COPG2: variants seen among roughly 807,000 people sequenced by gnomAD.
COPG2 encodes coatomer subunit gamma-2.
COPG2 carries 37 observed loss-of-function variants against 46.3 expected under a neutral mutation model. The observed-to-expected ratio is 0.80, with a 90% CI of 0.61 to 1.05. COPG2 has a LOEUF of 1.05. Ranked by LOEUF, COPG2 falls within the 50% of genes least tolerant of loss-of-function variation. The probability of loss-of-function intolerance (pLI) is 0.00; values close to 1 mark genes in which losing one functional copy is unlikely to be tolerated. For synonymous variants in COPG2, 159 were observed against 129.7 expected (o/e 1.23, Z -1.53); for missense variants, 427 against 387.8 (o/e 1.10, Z -0.85).
chr7:130,581,824 AC>A (rs1436883581), intron 9 of COPG2, among the ~76,000 whole-genome samples: 10 of 140,404 alleles, frequency 7.1e-5, no homozygotes, highest in Non-Finnish European at 1.4e-4. Context: ...AGAACTACAA[AC>A]CACTGCTCAA....
chr7:130,548,533 G>C lies in COPG2; in HGVS notation c.1847C>G (p.Ala616Gly). 2.5e-6 allele frequency: 1 copy of C among 398,590 alleles called. No individual in the cohort carries two copies. Among genetic ancestry groups the C allele is most frequent in the East Asian group, 3.6e-5 (1 of 28,080 alleles). 24.7% of individuals were successfully genotyped at this position (398,590 alleles called of 1,614,324 possible). Reference sequence around the variant, plus strand: ...TATATTCAGAAACTCAGGAATGGCAGCCAATTGTTCTATCAAGAAAAAAGA... The same window carrying C: ...TATATTCAGAAACTCAGGAATGGCACCCAATTGTTCTATCAAGAAAAAAGA... ...SRQDIFQEQL[A>G]AIPEFLNIGP... The change falls in exon 19 of 24, where the codon GCT becomes GGT. Residue 616 changes from alanine to glycine, a missense_variant. By Grantham distance (60) the Ala-to-Gly change is moderately conservative. Transcript: ENST00000425248.
rs1434312848 is a variant in COPG2, at chr7:130,653,194, C to A, written c.244-246G>T. Among the ~76,000 whole-genome samples the A allele has an allele frequency of 2.0e-5, 3 of 152,130 alleles. No homozygotes were observed. The East Asian group carries it at 5.8e-4, about 29-fold the overall frequency. ...AAATTCAATTATATGGATCTTTCTA[C>A]TGAGAGATACAAACTTAGACTATGA... is the stretch of plus-strand genomic sequence containing the variant. On this transcript the variant is annotated intron_variant, in intron 4 of 23. Coordinates refer to ENST00000425248, the MANE Select transcript of COPG2 (RefSeq NM_012133.6).
chr7:130,617,097 C>G, intron 5 of COPG2, 32 bp from the exon 6 acceptor site: 1 of 1,420,080 alleles, frequency 7.0e-7, no homozygotes, highest in South Asian at 1.2e-5. Context: ...AACATAAGAT[C>G]AATTAAAATC....
chr7:130,609,515 T>G (rs556341290), intron 9 of COPG2, among the ~76,000 whole-genome samples: 2 of 152,238 alleles, frequency 1.3e-5, no homozygotes, highest in Admixed American at 1.3e-4. Context: ...CTTTTGTAAA[T>G]TGCCCAGTCT....
In COPG2 at chr7:130,508,625, T is replaced by C. The variant is rs1799543059; in HGVS notation, c.2184A>G (p.Thr728=). ...AGSFSCTMKF[T]VRDCDPNTGV... is the part of the protein sequence containing the mutation. ...CAGTGTTAGGGTCACAGTCCCGGACTGTAAACTTCATGGTGCAGCTAAAGG... is the reference window on the plus strand; with the variant it reads ...CAGTGTTAGGGTCACAGTCCCGGACCGTAAACTTCATGGTGCAGCTAAAGG... The change falls in exon 21 of 24, where the codon ACA becomes ACG. Residue 728 remains threonine (T), a synonymous_variant. Coordinates refer to ENST00000425248, the MANE Select transcript of COPG2 (RefSeq NM_012133.6). 7.7e-6 allele frequency: 6 copies of C among 774,276 alleles called. No individual in the cohort carries two copies. In the East Asian group the frequency reaches 1.5e-4, roughly 19 times the overall value. The allele number at this position is 774,276 out of a possible 1,614,324, so 48.0% of individuals were successfully genotyped here.
chr7:130,535,245 T>C (rs1799867251), intron 20 of COPG2, among the ~76,000 whole-genome samples: 2 of 151,724 alleles, frequency 1.3e-5, no homozygotes, highest in African/African-American at 4.8e-5. Flanking sequence ...AGAAGAAATG[T>C]GGATGCAAGG....
In COPG2 at chr7:130,629,662, C is replaced by T. The variant is rs564677648; in HGVS notation, c.324-12597G>A. 6.6e-5 allele frequency among the ~76,000 whole-genome samples: 10 copies of T among 152,218 alleles called. No individual in the cohort carries two copies. In the South Asian group the frequency reaches 2.1e-3, roughly 32 times the overall value. On this transcript the variant is annotated intron_variant, in intron 5 of 23. Transcript: ENST00000425248. The stretch of plus-strand genomic sequence containing the variant: ...CCACCCACCTCGGCCTCCCAAAGTG[C>T]TGGGATTACAAGTTTGCGCCACCAC...
At chr7:130,622,726 A>C (rs1554453769) in intron 5 of COPG2, among the ~76,000 whole-genome samples, 1 of 152,054 alleles carries the variant, frequency 6.6e-6, no homozygotes, top group Non-Finnish European at 1.5e-5. Context: ...CCAGCACTTT[A>C]CCTGGTTTTG....
At chr7:130,622,625 A>T (rs1422483401) in intron 5 of COPG2, among the ~76,000 whole-genome samples, 1 of 152,212 alleles carries the variant, frequency 6.6e-6, no homozygotes, top group Non-Finnish European at 1.5e-5. Flanking sequence ...ACATAGTTCA[A>T]TCCTTGCTGC....
chr7:130,594,541 GAAAGAAC>G (rs1409913530), intron 9 of COPG2, among the ~76,000 whole-genome samples: 1 of 152,152 alleles, frequency 6.6e-6, no homozygotes, highest in Non-Finnish European at 1.5e-5. Flanking sequence ...TTCTGTGTTT[GAAAGAAC>G]ACTATATCAA....
At chr7:130,555,505 T>G (rs2116393374) in intron 12 of COPG2, among the ~76,000 whole-genome samples, 1 of 152,198 alleles carries the variant, frequency 6.6e-6, no homozygotes, top group Admixed American at 6.5e-5. Context: ...CACAAAATGG[T>G]TTCTAGGGGA....
At chr7:130,520,314 G>A (rs936972990) in intron 20 of COPG2, among the ~76,000 whole-genome samples, 2 of 152,156 alleles carry the variant, frequency 1.3e-5, no homozygotes, top group African/African-American at 4.8e-5. Context: ...GAGAAGACCT[G>A]TGTATATAAA....
At chr7:130,631,172 C>CTTTTTTTTTTT (rs55966949) in intron 5 of COPG2, among the ~76,000 whole-genome samples, 5 of 102,336 alleles carry the variant, frequency 4.9e-5, no homozygotes, top group Non-Finnish European at 8.3e-5. Context: ...TTTTTCTTTT[C>CTTTTTTTTTTT]TTTTTTTTTT....
intron 20 of COPG2, among the ~76,000 whole-genome samples, chr7:130,542,987 G>A (rs1793365979): frequency 6.6e-6 from 1 of 152,114 alleles, no homozygotes. Flanking sequence ...ACAAGCGAGT[G>A]GGGTAACAAC....
intron 20 of COPG2, among the ~76,000 whole-genome samples, chr7:130,535,501 AT>A (rs1335520659): frequency 1.5e-4 from 23 of 152,050 alleles, no homozygotes; most frequent in East Asian, 5.8e-4. Flanking sequence ...AAGGTTCGGC[AT>A]GGGGAAGGGA....
rs1041712873 is a variant in COPG2, at chr7:130,554,486, C to G, written c.1463G>C (p.Arg488Thr). The G allele has an allele frequency of 3.3e-5, 13 of 398,468 alleles. No homozygotes were observed. The highest frequency in any genetic ancestry group is 5.3e-5 in the Non-Finnish European group (12 of 226,050). The allele number at this position is 398,468 out of a possible 1,614,324, so 24.7% of individuals were successfully genotyped here. The change falls in exon 14 of 24, where the codon AGA (arginine) becomes ACA (threonine). Residue 488 changes from arginine (R) to threonine (T), a missense_variant. Arg to Thr is a moderately conservative substitution (Grantham distance 71). Coordinates refer to ENST00000425248, the MANE Select transcript of COPG2 (RefSeq NM_012133.6). ...NRVVLENEAV[R>T]AAAVSALAKF... ...TCAGTGTCCCAATGACTCACCAGCT[C>G]TGACAGCCTCATTCTCCAGGACAAC...
At chr7:130,616,004 G>A (rs1381052826) in intron 6 of COPG2, among the ~76,000 whole-genome samples, 1 of 152,126 alleles carries the variant, frequency 6.6e-6, no homozygotes. Flanking sequence ...AAATCATTAG[G>A]GATGAGTTGC....
chr7:130,636,488 G>T (rs1225657979), intron 5 of COPG2, among the ~76,000 whole-genome samples: 2 of 144,788 alleles, frequency 1.4e-5, no homozygotes, highest in Non-Finnish European at 3.0e-5. Flanking sequence ...TGTCTCTTTT[G>T]ATCTTTGTTG....
intron 20 of COPG2, among the ~76,000 whole-genome samples, chr7:130,530,463 G>A (rs1307557121): frequency 2.0e-5 from 3 of 152,216 alleles, no homozygotes; most frequent in African/African-American, 7.2e-5. Context: ...ATCAGTGGAA[G>A]ATCTGGAGGA....
Sources: allele counts gnomAD v4.1 joint callset (sites outside exome capture counted in the v4.1 genomes callset), GRCh38; gene constraint gnomAD v4.1.1; transcripts MANE v1.5; gene names NCBI Gene and HGNC (gene_info 2026-07-23, HGNC 2026-07-21).